The following ARHGEF38 variants were observed in gnomAD, a reference collection of about 807,000 sequenced individuals.
ARHGEF38 encodes Rho guanine nucleotide exchange factor 38.
Under a neutral mutation model 79.9 loss-of-function variants are expected in ARHGEF38, and 79 were observed. The observed-to-expected ratio is 0.99, with a 90% confidence interval of 0.82 to 1.19. The LOEUF (loss-of-function observed/expected upper bound fraction) is 1.19, where lower values mean the gene tolerates loss of function less well. Among genes scored for constraint, ARHGEF38 ranks in the 50% most tolerant of loss-of-function variants. The pLI, the probability that ARHGEF38 is intolerant of heterozygous loss-of-function variation, is 0.00. For synonymous variants in ARHGEF38, 366 were observed against 328.3 expected (o/e 1.11, Z -1.24); for missense variants, 962 against 907.2 (o/e 1.06, Z -0.78).
intron 5 of ARHGEF38, among the ~76,000 whole-genome samples, chr4:105,639,381 G>T (rs1039654646): frequency 2.0e-5 from 3 of 151,580 alleles, no homozygotes; most frequent in Non-Finnish European, 4.4e-5. Flanking sequence ...AAAATTTTAC[G>T]GAGCTAAATT....
Position 105,679,554 on chromosome 4 carries a change from G to C in ARHGEF38, c.*1617G>C. 1 of 1,078,788 alleles carries C rather than the reference G, an allele frequency of 9.3e-7. No homozygotes were observed. The highest frequency in any genetic ancestry group is 1.4e-6 in the Non-Finnish European group (1 of 693,992). 66.8% of individuals were successfully genotyped at this position (1,078,788 alleles called of 1,614,324 possible). A position where few individuals can be genotyped will look rare whatever the true frequency, so the allele number is the denominator to read the frequency against. The stretch of plus-strand genomic sequence containing the variant: ...AATGTGGGCTAAAGCTGCAGCCAAT[G>C]CATCTATCGCCCCTTTCTCTTCTAT... On this transcript the variant is annotated 3_prime_UTR_variant, in exon 14 of 14. Transcript: ENST00000420470.
intron 6 of ARHGEF38, among the ~76,000 whole-genome samples, 193 bp from the exon 7 acceptor site, chr4:105,648,356 G>T (rs903445568): frequency 1.3e-5 from 2 of 152,008 alleles, no homozygotes; most frequent in African/African-American, 4.8e-5. Flanking sequence ...TGTTTCTGGA[G>T]GTCAGTGGGG....
intron 13 of ARHGEF38, among the ~76,000 whole-genome samples, chr4:105,671,495 T>C (rs1730956979): frequency 6.6e-6 from 1 of 152,190 alleles, no homozygotes; most frequent in Non-Finnish European, 1.5e-5. Context: ...TAATGCATAA[T>C]ATTGAAAACA....
intron 4 of ARHGEF38, chr4:105,631,649 T>C: frequency 1.0e-6 from 1 of 984,596 alleles, no homozygotes; most frequent in Non-Finnish European, 1.2e-6. Context: ...TATAACAAAG[T>C]ATGTGTAAGA....
chr4:105,621,241 A>G (rs757448673), intron 3 of ARHGEF38, among the ~76,000 whole-genome samples: 1 of 152,224 alleles, frequency 6.6e-6, no homozygotes, highest in Non-Finnish European at 1.5e-5. Flanking sequence ...GAAAATAAAA[A>G]TGGCTGTTGT....
rs72669922 is a variant in ARHGEF38 at position 105,557,517 on chromosome 4, G to T, written c.196+4556G>T. On this transcript the variant is annotated intron_variant, in intron 1 of 13. Transcript: ENST00000420470. Reference sequence around the variant, plus strand: ...TCCTATGTGAAACCTAATCCCCAATGTGACAGTATTAGGAGGTGGGGTCTT... The same window carrying T: ...TCCTATGTGAAACCTAATCCCCAATTTGACAGTATTAGGAGGTGGGGTCTT... Among the ~76,000 whole-genome samples, 133 of 151,438 alleles carry T rather than the reference G, an allele frequency of 8.8e-4. 1 individual carries two copies. The highest frequency in any genetic ancestry group is 1.6e-3 in the Non-Finnish European group (107 of 67,914).
chr4:105,676,000 T>G (rs563945259), intron 13 of ARHGEF38, among the ~76,000 whole-genome samples: 1 of 152,352 alleles, frequency 6.6e-6, no homozygotes, highest in Admixed American at 6.5e-5. Flanking sequence ...AATGTGGTTC[T>G]TTCCTTGGGG....
chr4:105,631,047 T>C lies in ARHGEF38; in HGVS notation c.656+2T>C. 6.2e-7 allele frequency: 1 copy of C among 1,603,606 alleles called. No individual in the cohort carries two copies. Among genetic ancestry groups the C allele is most frequent in the Middle Eastern group, 1.7e-4 (1 of 5,994 alleles). On this transcript the variant is annotated splice_donor_variant, in intron 4 of 13. Coordinates refer to ENST00000420470, the MANE Select transcript of ARHGEF38 (RefSeq NM_001242729.2). LOFTEE classifies it high-confidence loss of function. ...GAGCCACTGTATCCAGTCCTTAAAG[T>C]AAGGCCTTTTCAAATGATGATTCCC... is the stretch of plus-strand genomic sequence containing the variant.
chr4:105,568,536 G>GT (rs1359613017), intron 1 of ARHGEF38, among the ~76,000 whole-genome samples: 1 of 152,104 alleles, frequency 6.6e-6, no homozygotes, highest in Non-Finnish European at 1.5e-5. Flanking sequence ...AAGATATAAA[G>GT]TTTTTTAACT....
chr4:105,681,292 A>G (rs1046714372), downstream of ARHGEF38, among the ~76,000 whole-genome samples: 2 of 152,060 alleles, frequency 1.3e-5, 1 homozygote, highest in East Asian at 3.8e-4. Flanking sequence ...TTTCCTTAAA[A>G]AAAAAAAGAC....
chr4:105,617,678 T>C (rs1399498500), intron 3 of ARHGEF38, among the ~76,000 whole-genome samples: 1 of 152,158 alleles, frequency 6.6e-6, no homozygotes, highest in Non-Finnish European at 1.5e-5. Context: ...AGTTAAGGTA[T>C]TCATCAAATG....
At chr4:105,609,253 T>C (rs1171059348) in intron 2 of ARHGEF38, among the ~76,000 whole-genome samples, 1 of 152,100 alleles carries the variant, frequency 6.6e-6, no homozygotes, top group East Asian at 1.9e-4. Context: ...GAAAAGACTG[T>C]CCTTTCCCAT....
chr4:105,588,871 G>A (rs184744832), intron 1 of ARHGEF38, among the ~76,000 whole-genome samples: 5 of 152,174 alleles, frequency 3.3e-5, no homozygotes, highest in Non-Finnish European at 7.4e-5. Flanking sequence ...CTAATTAAAG[G>A]CATTTCATTT....
intron 1 of ARHGEF38, among the ~76,000 whole-genome samples, chr4:105,573,422 G>A (rs1025327415): frequency 1.3e-5 from 2 of 152,102 alleles, no homozygotes; most frequent in African/African-American, 4.8e-5. Context: ...TTAGATAAGG[G>A]TCTAACTTCA....
chr4:105,615,965 G>C (rs1315285834), intron 3 of ARHGEF38, among the ~76,000 whole-genome samples: 1 of 152,186 alleles, frequency 6.6e-6, no homozygotes, highest in Non-Finnish European at 1.5e-5. Context: ...TCTACTGGGT[G>C]TAGCAGCTAG....
intron 5 of ARHGEF38, among the ~76,000 whole-genome samples, chr4:105,643,765 T>C (rs192292394): frequency 6.6e-6 from 1 of 152,278 alleles, no homozygotes; most frequent in Non-Finnish European, 1.5e-5. Flanking sequence ...TGAATGTATG[T>C]GCATGTGTAT....
intron 6 of ARHGEF38, among the ~76,000 whole-genome samples, chr4:105,648,048 C>G (rs567611159): frequency 6.6e-6 from 1 of 151,868 alleles, no homozygotes; most frequent in African/African-American, 2.4e-5. Context: ...CACCACCATG[C>G]CAGGCTAATT....
chr4:105,659,008 T>C (rs1730451047), intron 9 of ARHGEF38, 46 bp from the exon 10 acceptor site: 1 of 1,476,580 alleles, frequency 6.8e-7, no homozygotes, highest in African/African-American at 1.4e-5. Context: ...GGACAAGGTA[T>C]GGGCTGATCC....
In ARHGEF38 at chr4:105,659,262, A is replaced by G; in HGVS notation, c.1442A>G (p.Asn481Ser). Residue 481 changes from asparagine (N) to serine (S), a missense_variant, in exon 10 of 14, where the codon AAC (asparagine) becomes AGC (serine). By Grantham distance (46) the Asn-to-Ser change is conservative. Transcript: ENST00000420470. ...AQLVEELQAF[N>S]QAARKILLNC... The stretch of plus-strand genomic sequence containing the variant: ...CTTGTGGAGGAGCTCCAGGCATTCA[A>G]CCAGGCTGCTCGGAAGATTCTGTTG... The G allele has an allele frequency of 1.3e-6, 2 of 1,536,092 alleles. No homozygotes were observed. The highest frequency in any genetic ancestry group is 8.7e-7 in the Non-Finnish European group (1 of 1,146,872).
Sources: allele counts gnomAD v4.1 joint callset (sites outside exome capture counted in the v4.1 genomes callset), GRCh38; gene constraint gnomAD v4.1.1; transcripts MANE v1.5; gene names NCBI Gene and HGNC (gene_info 2026-07-23, HGNC 2026-07-21).